Variants in RASAL2 observed in about 807,000 individuals in gnomAD.
The protein encoded by RASAL2 is RAS protein activator like 2.
A neutral mutation model predicts 128.9 loss-of-function variants in RASAL2; 58 were observed. The observed-to-expected ratio is 0.45, with a 90% CI of 0.36 to 0.56. The LOEUF (loss-of-function observed/expected upper bound fraction) is 0.56, where lower values mean the gene tolerates loss of function less well. RASAL2 is among the 20% of genes least tolerant of loss of function. RASAL2 has a pLI of 0.00. For synonymous variants in RASAL2, 561 were observed against 580.8 expected (o/e 0.97, Z 0.49); for missense variants, 1,360 against 1,601.6 (o/e 0.85, Z 2.57).
At chr1:178,397,397 CA>C (rs1280911390) in intron 4 of RASAL2, among the ~76,000 whole-genome samples, 2 of 152,050 alleles carry the variant, frequency 1.3e-5, no homozygotes, top group African/African-American at 4.8e-5. Context: ...TGTATGATTC[CA>C]TTTATATGAG....
chr1:178,284,906 A>T (rs569132887), intron 2 of RASAL2, among the ~76,000 whole-genome samples: 1 of 152,090 alleles, frequency 6.6e-6, no homozygotes, highest in Non-Finnish European at 1.5e-5. Flanking sequence ...TGAGTTCAAA[A>T]GAAGCAACAG....
intron 3 of RASAL2, among the ~76,000 whole-genome samples, chr1:178,343,550 GA>G (rs1669990179): frequency 6.6e-6 from 1 of 152,182 alleles, no homozygotes; most frequent in African/African-American, 2.4e-5. Context: ...TTATATGATA[GA>G]ATAGAGAGTA....
chr1:178,289,672 T>C (rs993585670), intron 2 of RASAL2, among the ~76,000 whole-genome samples: 1 of 152,184 alleles, frequency 6.6e-6, no homozygotes, highest in African/African-American at 2.4e-5. Flanking sequence ...CACTTGGATA[T>C]GTAAGAGTCA....
Position 178,353,540 on chromosome 1 carries a change from G to A in RASAL2, c.458-36560G>A, listed in dbSNP as rs577835867. The stretch of plus-strand genomic sequence containing the variant: ...CAACCATTTAACCAGTCTCTAGGGA[G>A]TTCCAAATTTTCCCTCATCTTCCTG... On this transcript the variant is annotated intron_variant, in intron 3 of 17. Coordinates refer to ENST00000367649, the MANE Select transcript of RASAL2 (RefSeq NM_170692.4). 2.0e-5 allele frequency among the ~76,000 whole-genome samples: 3 copies of A among 152,298 alleles called. No homozygotes were observed. The East Asian group carries it at 5.8e-4, about 29-fold the overall frequency.
chr1:178,294,295 C>T (rs1379612858), intron 2 of RASAL2, among the ~76,000 whole-genome samples: 4 of 152,164 alleles, frequency 2.6e-5, no homozygotes, highest in Non-Finnish European at 4.4e-5. Flanking sequence ...CCCCCACCCC[C>T]ACATACTTCC....
At chr1:178,346,608 TAA>T (rs1670168142) in intron 3 of RASAL2, among the ~76,000 whole-genome samples, 1 of 152,174 alleles carries the variant, frequency 6.6e-6, no homozygotes, top group East Asian at 1.9e-4. Flanking sequence ...TTTAGTATGT[TAA>T]GTTTTATTTA....
rs1245045035 is a variant in RASAL2, at chr1:178,364,799, CTT to C, written c.458-25299_458-25298del. 5.3e-5 allele frequency among the ~76,000 whole-genome samples: 8 copies of C among 152,130 alleles called. No individual in the cohort carries two copies. The East Asian group carries it at 1.5e-3, about 29-fold the overall frequency. The stretch of plus-strand genomic sequence containing the variant: ...ACTATGAGTAAAATGTAAAATATAA[CTT>C]TATATTAAAGAAAAAATATTTCAAG... On this transcript the variant is annotated intron_variant, in intron 3 of 17. Transcript: ENST00000367649.
intron 1 of RASAL2, among the ~76,000 whole-genome samples, chr1:178,167,771 A>G (rs987452550): frequency 1.3e-5 from 2 of 151,614 alleles, no homozygotes; most frequent in African/African-American, 4.9e-5. Flanking sequence ...GTTTGCCTGC[A>G]TGTTTTTTCA....
intron 1 of RASAL2, among the ~76,000 whole-genome samples, chr1:178,204,823 T>G (rs942152895): frequency 3.9e-5 from 6 of 152,228 alleles, no homozygotes; most frequent in Non-Finnish European, 8.8e-5. Flanking sequence ...AATTGTGATT[T>G]AGCGTGTGCT....
intron 17 of RASAL2, among the ~76,000 whole-genome samples, chr1:178,467,790 T>G (rs1647890960): frequency 6.6e-6 from 1 of 152,252 alleles, no homozygotes; most frequent in Non-Finnish European, 1.5e-5. Flanking sequence ...TGCTTGGCTG[T>G]GCTGTTCATG....
intron 3 of RASAL2, among the ~76,000 whole-genome samples, chr1:178,389,656 C>T (rs1322994735): frequency 6.6e-6 from 1 of 152,178 alleles, no homozygotes; most frequent in Non-Finnish European, 1.5e-5. Context: ...CTTATCTGCA[C>T]AGAACTAACT....
At chr1:178,455,680 C>A (rs1031334318) in intron 12 of RASAL2, among the ~76,000 whole-genome samples, 2 of 152,164 alleles carry the variant, frequency 1.3e-5, no homozygotes, top group Admixed American at 6.5e-5. Context: ...TCATGTGAAT[C>A]GTAGCCCAAC....
At chr1:178,347,742 A>G (rs925054181) in intron 3 of RASAL2, among the ~76,000 whole-genome samples, 2 of 152,240 alleles carry the variant, frequency 1.3e-5, no homozygotes, top group Non-Finnish European at 2.9e-5. Context: ...TTGAACAGCT[A>G]TTTGACAATA....
chr1:178,154,288 A>G (rs1481395887), intron 1 of RASAL2, among the ~76,000 whole-genome samples: 5 of 152,018 alleles, frequency 3.3e-5, no homozygotes, highest in Non-Finnish European at 7.4e-5. Context: ...CTGGGACTAT[A>G]ACTATGCATC....
At chr1:178,205,338 G>A (rs1663002448) in intron 1 of RASAL2, among the ~76,000 whole-genome samples, 1 of 152,100 alleles carries the variant, frequency 6.6e-6, no homozygotes, top group African/African-American at 2.4e-5. Flanking sequence ...ACATGCTTGT[G>A]TGAATTAACA....
intron 17 of RASAL2, among the ~76,000 whole-genome samples, chr1:178,469,416 A>G (rs1165859669): frequency 6.6e-6 from 1 of 152,046 alleles, no homozygotes; most frequent in Non-Finnish European, 1.5e-5. Flanking sequence ...CCCACCCCCT[A>G]ATTTTATATT....
At chr1:178,369,439 G>A (rs761651633) in intron 3 of RASAL2, among the ~76,000 whole-genome samples, 3 of 151,476 alleles carry the variant, frequency 2.0e-5, no homozygotes, top group African/African-American at 7.3e-5. Context: ...GGCCAGGCTC[G>A]TCTTGAACTC....
At chr1:178,367,362 C>G (rs1367933526) in intron 3 of RASAL2, among the ~76,000 whole-genome samples, 3 of 152,094 alleles carry the variant, frequency 2.0e-5, no homozygotes, top group Non-Finnish European at 4.4e-5. Context: ...CCCTGGCTAC[C>G]CTCTCTGAAA....
chr1:178,327,664 T>C (rs1669099134), intron 3 of RASAL2, among the ~76,000 whole-genome samples: 1 of 152,212 alleles, frequency 6.6e-6, no homozygotes, highest in Non-Finnish European at 1.5e-5. Flanking sequence ...AGTTCATTGT[T>C]GAATCAGAAA....
Sources: gnomAD v4.1 joint callset for allele counts (sites outside exome capture counted in the v4.1 genomes callset) on GRCh38, gnomAD v4.1.1 for gene constraint, MANE v1.5 for transcripts, NCBI Gene and HGNC (gene_info 2026-07-23, HGNC 2026-07-21) for gene names.